Variants in SEMA3A observed in about 807,000 individuals in gnomAD.
The protein encoded by SEMA3A is semaphorin-3A.
A neutral mutation model predicts 97.9 loss-of-function variants in SEMA3A; 29 were observed. The ratio of observed to expected loss-of-function variants is 0.30; its 90% CI spans 0.22 to 0.40. The LOEUF (loss-of-function observed/expected upper bound fraction) is 0.40, where lower values mean the gene tolerates loss of function less well. Among genes scored for constraint, SEMA3A ranks in the 10% least tolerant of loss-of-function variants. SEMA3A has a pLI of 1.00. For synonymous variants in SEMA3A, 321 were observed against 323.7 expected, an observed-to-expected ratio of 0.99 and a Z score of 0.09; for missense variants, 763 against 951.3, an observed-to-expected ratio of 0.80 and a Z score of 2.60.
chr7:84,266,940 T>C (rs1193333784), intron 3 of SEMA3A, among the ~76,000 whole-genome samples: 2 of 152,204 alleles, frequency 1.3e-5, no homozygotes, highest in Non-Finnish European at 2.9e-5. Flanking sequence ...AATCGTTTTA[T>C]ATTCTCTAGC....
rs565428376 is a variant in SEMA3A at position 84,320,639 on chromosome 7, G to A, written c.-168-13347C>T. On this transcript the variant is annotated intron_variant, in intron 2 of 3. Coordinates refer to the SEMA3A transcript ENST00000424555. ...TTGTTCACAGAAGGGAAGTTTTAGTGTACTTGAGAAATAAATTATTTTTTT... is the reference window on the plus strand; with the variant it reads ...TTGTTCACAGAAGGGAAGTTTTAGTATACTTGAGAAATAAATTATTTTTTT... 4.0e-3 allele frequency among the ~76,000 whole-genome samples: 477 copies of A among 118,652 alleles called. 1 individual carries two copies. Among genetic ancestry groups the A allele is most frequent in the Non-Finnish European group, 4.5e-3 (255 of 56,548 alleles). The allele number at this position is 118,652 out of a possible 152,430, so 77.8% of individuals were successfully genotyped here. A position where few individuals can be genotyped will look rare whatever the true frequency, so the allele number is the denominator to read the frequency against.
chr7:84,320,077 A>G (rs1801609512), intron 2 of SEMA3A, among the ~76,000 whole-genome samples: 1 of 152,120 alleles, frequency 6.6e-6, no homozygotes. Flanking sequence ...CATATCTGAC[A>G]CTGTCACACT....
intron 2 of SEMA3A, among the ~76,000 whole-genome samples, chr7:84,371,364 T>C (rs1802971060): frequency 6.6e-6 from 1 of 151,806 alleles, no homozygotes; most frequent in Non-Finnish European, 1.5e-5. Context: ...CATAATAACA[T>C]TTAGAATTGG....
chr7:84,047,689 G>C (rs1040662001), intron 5 of SEMA3A, among the ~76,000 whole-genome samples: 1 of 151,966 alleles, frequency 6.6e-6, no homozygotes, highest in African/African-American at 2.4e-5. Context: ...GACAACTACA[G>C]TATATCTTAA....
chr7:84,303,569 A>AGTT, intron 3 of SEMA3A, among the ~76,000 whole-genome samples: 1 of 152,170 alleles, frequency 6.6e-6, no homozygotes, highest in African/African-American at 2.4e-5. Context: ...AAAAGGTATT[A>AGTT]GTTTGTTAAA....
At chr7:83,970,566 T>C (rs1788872227) in intron 15 of SEMA3A, among the ~76,000 whole-genome samples, 1 of 152,202 alleles carries the variant, frequency 6.6e-6, no homozygotes, top group African/African-American at 2.4e-5. Flanking sequence ...ATGGATGAGG[T>C]TGTGAACCAT....
At chr7:84,456,615 A>G (rs1241419352) in intron 1 of SEMA3A, among the ~76,000 whole-genome samples, 3 of 151,866 alleles carry the variant, frequency 2.0e-5, no homozygotes, top group Non-Finnish European at 4.4e-5. Context: ...AGGTAACTGC[A>G]TACCTGGATT....
chr7:84,278,566 T>C (rs1297189014), intron 3 of SEMA3A, among the ~76,000 whole-genome samples: 2 of 152,172 alleles, frequency 1.3e-5, no homozygotes, highest in African/African-American at 4.8e-5. Context: ...TGGCTCATGG[T>C]TCTGCAGGCT....
At chr7:84,191,227 G>GAA (rs35507547) in intron 1 of SEMA3A, among the ~76,000 whole-genome samples, 3 of 117,566 alleles carry the variant, frequency 2.6e-5, no homozygotes, top group Admixed American at 9.0e-5. Flanking sequence ...CCTTGACTCT[G>GAA]AAAAAAAAAA....
At chr7:84,197,526 C>A (rs1195258193), upstream of SEMA3A, among the ~76,000 whole-genome samples, 3 of 152,022 alleles carry the variant, frequency 2.0e-5, no homozygotes, top group African/African-American at 7.2e-5. Flanking sequence ...CCTTCTCATT[C>A]GACTTTGCTC....
At chr7:84,348,365 C>A (rs1802354785) in intron 2 of SEMA3A, among the ~76,000 whole-genome samples, 1 of 152,104 alleles carries the variant, frequency 6.6e-6, no homozygotes, top group African/African-American at 2.4e-5. Flanking sequence ...AATGTAAACT[C>A]TCTTAGCATT....
At chr7:84,157,732 T>C (rs1796888681) in intron 1 of SEMA3A, among the ~76,000 whole-genome samples, 1 of 152,036 alleles carries the variant, frequency 6.6e-6, no homozygotes, top group Non-Finnish European at 1.5e-5. Context: ...CTTACACACA[T>C]CTTTCACTTG....
At chr7:84,167,054 T>C (rs372493774) in intron 1 of SEMA3A, among the ~76,000 whole-genome samples, 1 of 46,568 alleles carries the variant, frequency 2.1e-5, no homozygotes, top group Non-Finnish European at 5.9e-5. Context: ...ACAGTTCAGA[T>C]TTTTGCAGTC....
chr7:84,220,362 G>C (rs1380971952), intron 3 of SEMA3A, among the ~76,000 whole-genome samples: 1 of 152,090 alleles, frequency 6.6e-6, no homozygotes, highest in Non-Finnish European at 1.5e-5. Flanking sequence ...AGTCATCCAT[G>C]AGGATTGGAA....
At chr7:84,057,278 C>T (rs1166227172) in intron 5 of SEMA3A, among the ~76,000 whole-genome samples, 1 of 152,088 alleles carries the variant, frequency 6.6e-6, no homozygotes, top group Non-Finnish European at 1.5e-5. Flanking sequence ...AATAAAATTG[C>T]TCTCAAGTTG....
intron 2 of SEMA3A, among the ~76,000 whole-genome samples, chr7:84,328,227 T>C (rs1213421177): frequency 2.0e-5 from 3 of 152,058 alleles, no homozygotes; most frequent in Non-Finnish European, 2.9e-5. Flanking sequence ...TTATTATTTA[T>C]GGCAGACCTA....
intron 1 of SEMA3A, among the ~76,000 whole-genome samples, chr7:84,466,290 A>C (rs1043582210): frequency 6.6e-6 from 1 of 151,984 alleles, no homozygotes; most frequent in Non-Finnish European, 1.5e-5. Flanking sequence ...CTCCTGCCTT[A>C]GCCTCCTGAG....
rs1262937339 is a variant in SEMA3A, at chr7:84,424,528, T to C, written c.-245-52628A>G. 1.2e-3 allele frequency among the ~76,000 whole-genome samples: 111 copies of C among 90,220 alleles called. 2 individuals are homozygous for C. Among genetic ancestry groups the C allele is most frequent in the South Asian group, 6.0e-4 (2 of 3,308 alleles). The allele number at this position is 90,220 out of a possible 152,430, so 59.2% of individuals were successfully genotyped here. ...TATATAAATATTAATATATGTTATA[T>C]ATAATATATAAATATTAATATATAT... On this transcript the variant is annotated intron_variant, in intron 1 of 3. Coordinates refer to the SEMA3A transcript ENST00000424555.
At position 84,438,548 on chromosome 7, in the gene SEMA3A, G is replaced by A. The variant is rs147592765; in HGVS notation, c.-246+53912C>T. Among the ~76,000 whole-genome samples, 204 of 152,190 alleles carry A rather than the reference G, an allele frequency of 1.3e-3. 2 individuals are homozygous for A. The highest frequency in any genetic ancestry group is 4.7e-3 in the African/African-American group (195 of 41,552). On this transcript the variant is annotated intron_variant, in intron 1 of 3. Transcript: ENST00000424555. Reference sequence around the variant, plus strand: ...CTCTAGGCAGGATGTTGGGGTTAACGTGAAGCATGAGCTACTTCATTATGT... The same window carrying A: ...CTCTAGGCAGGATGTTGGGGTTAACATGAAGCATGAGCTACTTCATTATGT...
Sources: gnomAD v4.1 joint callset for allele counts (sites outside exome capture counted in the v4.1 genomes callset) on GRCh38, gnomAD v4.1.1 for gene constraint, MANE v1.5 for transcripts, NCBI Gene and HGNC (gene_info 2026-07-23, HGNC 2026-07-21) for gene names.